Variants in DENND5A observed in about 807,000 individuals in gnomAD.
DENND5A encodes the protein DENN domain-containing protein 5A.
In DENND5A, 64 loss-of-function variants were observed where a neutral mutation model predicts 140.3. The ratio of observed to expected loss-of-function variants is 0.46; its 90% CI spans 0.37 to 0.56. DENND5A has a LOEUF of 0.56. Among genes scored for constraint, DENND5A ranks in the 20% least tolerant of loss-of-function variants. The probability of loss-of-function intolerance (pLI) is 0.00; values close to 1 mark genes in which losing one functional copy is unlikely to be tolerated. For missense variants in DENND5A, 1,292 were observed against 1,593.8 expected, an observed-to-expected ratio of 0.81 and a Z score of 3.22; for synonymous variants, 605 against 607.7, an observed-to-expected ratio of 1.00 and a Z score of 0.07.
At chr11:9,141,145 A>C (rs1489145421) in intron 22 of DENND5A, among the ~76,000 whole-genome samples, 2 of 152,086 alleles carry the variant, frequency 1.3e-5, no homozygotes, top group Non-Finnish European at 2.9e-5. Context: ...TAAATAAATA[A>C]ATAAATAAAT....
At chr11:9,152,741 C>G (rs1847662209) in intron 12 of DENND5A, among the ~76,000 whole-genome samples, 1 of 152,120 alleles carries the variant, frequency 6.6e-6, no homozygotes, top group Admixed American at 6.5e-5. Context: ...CGGTGGCTCA[C>G]ACCTGTAATC....
At chr11:9,203,044 C>T (rs1038677410) in intron 4 of DENND5A, among the ~76,000 whole-genome samples, 3 of 152,272 alleles carry the variant, frequency 2.0e-5, no homozygotes, top group Admixed American at 6.5e-5. Flanking sequence ...TCCACCACTA[C>T]CCTTGAAACA....
Position 9,203,762 on chromosome 11 carries a change from C to A in DENND5A, c.847G>T (p.Asp283Tyr). 6.2e-7 allele frequency: 1 copy of A among 1,614,138 alleles called. No homozygotes were observed. The highest frequency in any genetic ancestry group is 1.1e-5 in the South Asian group (1 of 91,060). ...TCAAAAACCTCTTTGACAGGAAAGTCAAATAGGGGAAGCTCATTGGTACTT... is the reference window on the plus strand; with the variant it reads ...TCAAAAACCTCTTTGACAGGAAAGTAAAATAGGGGAAGCTCATTGGTACTT... ...RPSTNELPLF[D>Y]FPVKEVFELL... Residue 283 changes from aspartate (D) to tyrosine (Y), a missense_variant, in exon 4 of 23, where the codon GAC (aspartate) becomes TAC (tyrosine). Coordinates refer to ENST00000328194, the MANE Select transcript of DENND5A (RefSeq NM_015213.4).
At chr11:9,196,381 T>G (rs922326414) in intron 4 of DENND5A, among the ~76,000 whole-genome samples, 3 of 151,906 alleles carry the variant, frequency 2.0e-5, no homozygotes, top group African/African-American at 7.3e-5. Context: ...TCCTGGGAGG[T>G]TGCAAAACAA....
chr11:9,202,583 T>C (rs750296052), intron 4 of DENND5A, among the ~76,000 whole-genome samples: 1 of 152,106 alleles, frequency 6.6e-6, no homozygotes, highest in Non-Finnish European at 1.5e-5. Context: ...TAAAAAAAAT[T>C]GAAAACTCTG....
intron 6 of DENND5A, among the ~76,000 whole-genome samples, chr11:9,179,878 A>C (rs1262127448): frequency 6.6e-6 from 1 of 152,204 alleles, no homozygotes; most frequent in African/African-American, 2.4e-5. Context: ...CTAGTCTACT[A>C]AGCAAAAAAA....
In DENND5A at chr11:9,162,214, A is replaced by T. The variant is rs990407201; in HGVS notation, c.2284-1349T>A. Among the ~76,000 whole-genome samples the T allele has an allele frequency of 4.8e-5, 7 of 147,196 alleles. No individual in the cohort carries two copies. The South Asian group carries it at 1.3e-3, about 27-fold the overall frequency. ...TATATGCTATTACATCATTATGACC[A>T]GCGCCAGGCCAGTTCCTTCTTTTTT... is the stretch of plus-strand genomic sequence containing the variant. On this transcript the variant is annotated intron_variant, in intron 11 of 22. Transcript: ENST00000328194.
intron 12 of DENND5A, among the ~76,000 whole-genome samples, chr11:9,158,875 T>C (rs186512894): frequency 3.1e-4 from 47 of 152,328 alleles, no homozygotes; most frequent in African/African-American, 1.0e-3. Flanking sequence ...ATTCACACTT[T>C]TAAAGTATGC....
At chr11:9,258,377 T>C (rs1852043822) in intron 1 of DENND5A, among the ~76,000 whole-genome samples, 1 of 150,812 alleles carries the variant, frequency 6.6e-6, no homozygotes, top group Admixed American at 6.7e-5. Context: ...ACATGTGGTG[T>C]TCCGTTTTCT....
At chr11:9,167,336 C>T (rs1390321615) in intron 10 of DENND5A, among the ~76,000 whole-genome samples, 2 of 151,942 alleles carry the variant, frequency 1.3e-5, no homozygotes, top group African/African-American at 2.4e-5. Context: ...TGTCTCCTAA[C>T]TTGTTAGCTA....
At chr11:9,199,802 C>G (rs1488862631) in intron 4 of DENND5A, among the ~76,000 whole-genome samples, 1 of 152,182 alleles carries the variant, frequency 6.6e-6, no homozygotes, top group African/African-American at 2.4e-5. Flanking sequence ...TGATTTTTAT[C>G]CATACAAGGA....
intron 1 of DENND5A, among the ~76,000 whole-genome samples, chr11:9,245,913 C>T (rs1405713807): frequency 1.3e-5 from 2 of 152,078 alleles, no homozygotes; most frequent in Admixed American, 6.6e-5. Context: ...GGATTATAGG[C>T]GTGAGCCACC....
chr11:9,233,175 C>T lies in DENND5A; in HGVS notation c.110-25543G>A, dbSNP rs1043946823. Among the ~76,000 whole-genome samples the T allele has an allele frequency of 1.6e-4, 24 of 151,978 alleles. 1 individual carries two copies. The highest frequency in any genetic ancestry group is 3.1e-4 in the African/African-American group (13 of 41,404). On this transcript the variant is annotated intron_variant, in intron 1 of 22. Coordinates refer to ENST00000328194, the MANE Select transcript of DENND5A (RefSeq NM_015213.4). ...CAACACTTTGGGAAGCCGAGGCAGG[C>T]GGATCACGAGGTCAGGAGTTCGAGA...
At chr11:9,205,261 T>C (rs774224846) in intron 3 of DENND5A, among the ~76,000 whole-genome samples, 5 of 152,198 alleles carry the variant, frequency 3.3e-5, no homozygotes, top group African/African-American at 7.2e-5. Flanking sequence ...GAAACTTGGA[T>C]AGTTAAACGA....
chr11:9,201,366 C>A (rs1849516543), intron 4 of DENND5A, among the ~76,000 whole-genome samples: 1 of 147,082 alleles, frequency 6.8e-6, no homozygotes, highest in African/African-American at 2.5e-5. Flanking sequence ...TAGAATAAGA[C>A]TCTATTTCTT....
chr11:9,170,463 T>A (rs1848332809), intron 9 of DENND5A, among the ~76,000 whole-genome samples, 164 bp downstream of exon 9: 1 of 152,176 alleles, frequency 6.6e-6, no homozygotes, highest in Admixed American at 6.5e-5. Context: ...TTCTGTCACA[T>A]ACTTTCTTGT....
intron 1 of DENND5A, among the ~76,000 whole-genome samples, chr11:9,243,865 G>A (rs185342924): frequency 1.2e-4 from 18 of 152,170 alleles, no homozygotes; most frequent in East Asian, 1.9e-4. Context: ...CAGCCTGGGC[G>A]ACAGAACGAG....
chr11:9,213,506 G>A (rs1047236528), intron 1 of DENND5A, among the ~76,000 whole-genome samples: 2 of 151,198 alleles, frequency 1.3e-5, no homozygotes, highest in Non-Finnish European at 2.9e-5. Context: ...TATATTTCAA[G>A]CATTCAAAAC....
At position 9,193,697 on chromosome 11, in the gene DENND5A, CAAAA is replaced by C. The variant is rs775522330; in HGVS notation, c.950-20_950-17del. On this transcript the variant is annotated splice_polypyrimidine_tract_variant and intron_variant, in intron 4 of 22. Transcript: ENST00000328194. ...CTCTGGTAATCTGGGTCAACAACAA[CAAAA>C]AAAGCACACACACAAATCAGTCAAA... is the stretch of plus-strand genomic sequence containing the variant. The C allele has an allele frequency of 7.6e-5, 121 of 1,584,952 alleles. No homozygotes were observed. The highest frequency in any genetic ancestry group is 9.9e-5 in the Non-Finnish European group (116 of 1,167,858).
Sources: gnomAD v4.1 joint callset for allele counts (sites outside exome capture counted in the v4.1 genomes callset) on GRCh38, gnomAD v4.1.1 for gene constraint, MANE v1.5 for transcripts, NCBI Gene and HGNC (gene_info 2026-07-23, HGNC 2026-07-21) for gene names.